DSC2: variants seen among roughly 807,000 people sequenced by gnomAD.
The protein encoded by DSC2 is desmocollin-2.
In DSC2, 51 loss-of-function variants were observed where a neutral mutation model predicts 87.6. That is an observed-to-expected ratio of 0.58 (90% CI 0.46 to 0.74). The LOEUF (loss-of-function observed/expected upper bound fraction) is 0.74. Among genes scored for constraint, DSC2 ranks in the 30% least tolerant of loss-of-function variants. The pLI, the probability that DSC2 is intolerant of heterozygous loss-of-function variation, is 0.00. For missense variants in DSC2, 1,066 were observed against 1,089.5 expected, an observed-to-expected ratio of 0.98 and a Z score of 0.30; for synonymous variants, 383 against 393.2, an observed-to-expected ratio of 0.97 and a Z score of 0.31.
intron 1 of DSC2, among the ~76,000 whole-genome samples, chr18:31,097,049 G>A (rs1000032096): frequency 3.3e-5 from 5 of 151,950 alleles, no homozygotes; most frequent in Admixed American, 2.0e-4. Flanking sequence ...TTGGGAGGCC[G>A]AGGTGGGCAG....
chr18:31,093,764 T>C (rs1240198515), intron 1 of DSC2, 121 bp from the exon 2 acceptor site: 3 of 284,534 alleles, frequency 1.1e-5, no homozygotes, highest in Admixed American at 5.6e-5. Context: ...ATAATACTTA[T>C]ATAAATGTTA....
rs373324195 is a variant in DSC2, at chr18:31,079,973, C to A, written c.1537G>T (p.Asp513Tyr). Residue 513 changes from aspartate to tyrosine, a missense_variant, in exon 11 of 16, where the codon GAT (aspartate) becomes TAT (tyrosine). Transcript: ENST00000280904. ...TCAATGGTGACCCACCCTGTTGGAT[C>A]AGTTAATTTCTTATACCTGTTGGTA... ...SSGIRYKKLTDPTGWVTIDEN... is the reference protein window; with the variant it reads ...SSGIRYKKLTYPTGWVTIDEN... 3.1e-6 allele frequency: 5 copies of A among 1,613,704 alleles called. No individual in the cohort carries two copies. In the African/African-American group the frequency reaches 6.7e-5, roughly 22 times the overall value.
At chr18:31,086,780 C>G in intron 6 of DSC2, 38 bp from the exon 7 acceptor site, 7 of 1,595,442 alleles carry the variant, frequency 4.4e-6, no homozygotes, top group Non-Finnish European at 6.0e-6. Flanking sequence ...CCAAAACATT[C>G]ACATGTTCTA....
In DSC2 at chr18:31,068,084, A is replaced by G. The variant is rs1365369565; in HGVS notation, c.2637T>C (p.Asp879=). 2.5e-6 allele frequency: 4 copies of G among 1,613,934 alleles called. No individual in the cohort carries two copies. The highest frequency in any genetic ancestry group is 3.3e-5 in the Admixed American group (2 of 59,992). Residue 879 remains aspartate (D), a synonymous_variant, in exon 16 of 16, where the codon GAT becomes GAC. Transcript: ENST00000280904. ...VGCCSERQEE[D]GLEFLDNLEP... Reference sequence around the variant, plus strand: ...CCAAATTATCCAAAAATTCAAGCCCATCTTCTTCTTGTCGTTCACTGCAAC... The same window carrying G: ...CCAAATTATCCAAAAATTCAAGCCCGTCTTCTTCTTGTCGTTCACTGCAAC...
intron 1 of DSC2, among the ~76,000 whole-genome samples, chr18:31,095,407 G>A (rs892254101): frequency 1.3e-5 from 2 of 152,182 alleles, no homozygotes. Flanking sequence ...GCCTGATGAA[G>A]AAGCTGTGGA....
intron 4 of DSC2, 56 bp downstream of exon 4, chr18:31,090,972 T>C: frequency 6.2e-7 from 1 of 1,610,504 alleles, no homozygotes; most frequent in Non-Finnish European, 8.5e-7. Context: ...CTCAGTGTCA[T>C]AATGGTAAGA....
intron 5 of DSC2, among the ~76,000 whole-genome samples, chr18:31,088,885 C>T (rs1208818817): frequency 4.6e-5 from 7 of 151,924 alleles, no homozygotes; most frequent in Non-Finnish European, 8.8e-5. Context: ...TGTTCTTGGC[C>T]GGGCACGGTG....
rs377700521 is a variant in DSC2 at position 31,068,956 on chromosome 18, C to T, written c.2446G>A (p.Val816Met). The part of the protein sequence containing the change: ...LDSCRGGHTE[V>M]DNCRYTYSEW... ...GAGTAAGTGTATCTGCAGTTGTCCACCTCCGTGTGTCCTCCCCTGCAGGAG... is the reference window on the plus strand; with the variant it reads ...GAGTAAGTGTATCTGCAGTTGTCCATCTCCGTGTGTCCTCCCCTGCAGGAG... Residue 816 changes from valine to methionine, a missense_variant, in exon 15 of 16, where the codon GTG becomes ATG. Coordinates refer to ENST00000280904, the MANE Select transcript of DSC2 (RefSeq NM_024422.6). The T allele has an allele frequency of 1.3e-5, 21 of 1,614,080 alleles. No homozygotes were observed. Among genetic ancestry groups the T allele is most frequent in the Middle Eastern group, 1.7e-4 (1 of 6,050 alleles).
At chr18:31,078,077 C>T (rs570676972) in intron 11 of DSC2, among the ~76,000 whole-genome samples, 5 of 152,064 alleles carry the variant, frequency 3.3e-5, no homozygotes, top group East Asian at 1.9e-4. Context: ...GCAATTGCTG[C>T]GGAGATGTAG....
chr18:31,101,802 A>T, intron 1 of DSC2, 101 bp downstream of exon 1: 2 of 666,732 alleles, frequency 3.0e-6, no homozygotes, highest in East Asian at 1.3e-4. Context: ...CCTTCACCCC[A>T]GCTTTTCCCG....
chr18:31,078,482 C>T (rs530360041), intron 11 of DSC2, among the ~76,000 whole-genome samples: 1 of 152,104 alleles, frequency 6.6e-6, no homozygotes, highest in South Asian at 2.1e-4. Flanking sequence ...AAATTATAGG[C>T]AAAATTTCTA....
At position 31,058,962 on chromosome 18, in the gene DSC2, C is replaced by T. The variant is rs546345991; in HGVS notation, c.*9053G>A. 28 of 152,136 alleles carry T rather than the reference C, an allele frequency of 1.8e-4. No homozygotes were observed. Among genetic ancestry groups the T allele is most frequent in the African/African-American group, 6.3e-4 (26 of 41,500 alleles). 9.4% of individuals were successfully genotyped at this position (152,136 alleles called of 1,614,324 possible). Reference sequence around the variant, plus strand: ...GTAGATACCAAATAAATTTTAACACCGAACATTTACATAGAACTATGTTCT... The same window carrying T: ...GTAGATACCAAATAAATTTTAACACTGAACATTTACATAGAACTATGTTCT... On this transcript the variant is annotated 3_prime_UTR_variant, in exon 16 of 16. Coordinates refer to ENST00000280904, the MANE Select transcript of DSC2 (RefSeq NM_024422.6).
chr18:31,102,267 G>T lies in DSC2; in HGVS notation c.-296C>A. ...GACTTCATTTCTCTAAGAAAGCCACGGGTGGGAACTCCCTCTCGCCGCCAC... is the reference window on the plus strand; with the variant it reads ...GACTTCATTTCTCTAAGAAAGCCACTGGTGGGAACTCCCTCTCGCCGCCAC... On this transcript the variant is annotated 5_prime_UTR_variant, in exon 1 of 16. Transcript: ENST00000280904. 3.0e-6 allele frequency: 1 copy of T among 335,050 alleles called. No homozygotes were observed. Among genetic ancestry groups the T allele is most frequent in the Non-Finnish European group, 5.4e-6 (1 of 186,780 alleles). The allele number at this position is 335,050 out of a possible 1,614,324, so 20.8% of individuals were successfully genotyped here. A position where few individuals can be genotyped will look rare whatever the true frequency, so the allele number is the denominator to read the frequency against.
rs564554319 is a variant in DSC2 at position 31,101,828 on chromosome 18, C to A, written c.69+75G>T. The A allele has an allele frequency of 2.5e-4, 368 of 1,449,154 alleles. 4 individuals carry two copies. The South Asian group carries it at 4.4e-3, about 17-fold the overall frequency. The allele number at this position is 1,449,154 out of a possible 1,614,324, so 89.8% of individuals were successfully genotyped here. On this transcript the variant is annotated intron_variant, in intron 1 of 15. Coordinates refer to ENST00000280904, the MANE Select transcript of DSC2 (RefSeq NM_024422.6). ...GCTTTTCCCGCCACCCCCACCTATC[C>A]CCGTTCCCCTAGTTTTCCTCTGCAC...
In DSC2 at chr18:31,068,935, A is replaced by G. The variant is rs1435978593; in HGVS notation, c.2467T>C (p.Tyr823His). Reference sequence around the variant, plus strand: ...TGAGTAAAACTGTGCCACTCCGAGTAAGTGTATCTGCAGTTGTCCACCTCC... The same window carrying G: ...TGAGTAAAACTGTGCCACTCCGAGTGAGTGTATCTGCAGTTGTCCACCTCC... ...HTEVDNCRYT[Y>H]SEWHSFTQPR... Residue 823 changes from tyrosine (Y) to histidine (H), a missense_variant, in exon 15 of 16, where the codon TAC becomes CAC. Tyr to His is a moderately conservative substitution (Grantham distance 83). Coordinates refer to ENST00000280904, the MANE Select transcript of DSC2 (RefSeq NM_024422.6). 1.9e-6 allele frequency: 3 copies of G among 1,614,012 alleles called. No individual in the cohort carries two copies. The highest frequency in any genetic ancestry group is 2.5e-6 in the Non-Finnish European group (3 of 1,180,020).
intron 11 of DSC2, among the ~76,000 whole-genome samples, chr18:31,079,027 T>C (rs1987113519): frequency 6.6e-6 from 1 of 152,094 alleles, no homozygotes; most frequent in Non-Finnish European, 1.5e-5. Flanking sequence ...ATCATAAATA[T>C]ACCATGATTT....
At chr18:31,082,092 C>T (rs1445964449) in intron 9 of DSC2, 146 bp downstream of exon 9, 1 of 725,492 alleles carries the variant, frequency 1.4e-6, no homozygotes, top group Non-Finnish European at 2.2e-6. Context: ...TATATTCTTT[C>T]CATTGTATAT....
rs914437613 is a variant in DSC2, at chr18:31,065,937, T to C, written c.*2078A>G. The C allele has an allele frequency of 2.0e-5, 3 of 152,230 alleles. No individual in the cohort carries two copies. The highest frequency in any genetic ancestry group is 2.9e-5 in the Non-Finnish European group (2 of 68,042). The allele number at this position is 152,230 out of a possible 1,614,324, so 9.4% of individuals were successfully genotyped here. On this transcript the variant is annotated 3_prime_UTR_variant, in exon 16 of 16. Coordinates refer to ENST00000280904, the MANE Select transcript of DSC2 (RefSeq NM_024422.6). ...TCTTTTCAGTATCTTATTGTCTTAA[T>C]TGACCTTTTGTTAACATGAAATGAA...
At position 31,084,196 on chromosome 18, in the gene DSC2, C is replaced by T. The variant is rs144354699; in HGVS notation, c.943-1136G>A. ...ATTATCTAAAATAAAACTAAAGTTT[C>T]TCTTGATCTTCCTGCTTTTAACACA... is the stretch of plus-strand genomic sequence containing the variant. On this transcript the variant is annotated intron_variant, in intron 7 of 15. Transcript: ENST00000280904. Among the ~76,000 whole-genome samples, 246 of 152,208 alleles carry T rather than the reference C, an allele frequency of 1.6e-3. 1 individual carries two copies. Among genetic ancestry groups the T allele is most frequent in the African/African-American group, 5.6e-3 (233 of 41,548 alleles).
Sources: allele counts gnomAD v4.1 joint callset (sites outside exome capture counted in the v4.1 genomes callset), GRCh38; gene constraint gnomAD v4.1.1; transcripts MANE v1.5; gene names NCBI Gene and HGNC (gene_info 2026-07-23, HGNC 2026-07-21).